SINHCAF: variants seen among roughly 807,000 people sequenced by gnomAD.
The protein encoded by SINHCAF is SIN3-HDAC complex-associated factor.
In SINHCAF, 3 loss-of-function variants were observed where a neutral mutation model predicts 25.8. The observed-to-expected ratio is 0.12, with a 90% CI of 0.05 to 0.30. The LOEUF (loss-of-function observed/expected upper bound fraction) is 0.30, where lower values mean the gene tolerates loss of function less well. Among genes scored for constraint, SINHCAF ranks in the 10% least tolerant of loss-of-function variants. The pLI, the probability that SINHCAF is intolerant of heterozygous loss-of-function variation, is 1.00. For synonymous variants in SINHCAF, 70 were observed against 85.5 expected, an observed-to-expected ratio of 0.82 and a Z score of 1.00; for missense variants, 121 against 262.3, an observed-to-expected ratio of 0.46 and a Z score of 3.72.
At chr12:31,299,253 G>A (rs1194434825) in intron 1 of SINHCAF, among the ~76,000 whole-genome samples, 1 of 152,132 alleles carries the variant, frequency 6.6e-6, no homozygotes, top group Non-Finnish European at 1.5e-5. Context: ...GAGGATGTGT[G>A]TATGTATGAG....
Position 31,298,216 on chromosome 12 carries a change from G to A in SINHCAF, c.-12C>T, listed in dbSNP as rs759166514. The stretch of plus-strand genomic sequence containing the variant: ...TGAAAACCAAACATCTTTTCTTCTG[G>A]GCAATAGTCTGTAAAGCCAAGGGAA... On this transcript the variant is annotated 5_prime_UTR_variant, in exon 2 of 6. Transcript: ENST00000337682. 1.2e-6 allele frequency: 2 copies of A among 1,613,738 alleles called. No homozygotes were observed. Among genetic ancestry groups the A allele is most frequent in the South Asian group, 1.1e-5 (1 of 91,066 alleles).
rs745925130 is a variant in SINHCAF, at chr12:31,325,952, GA to G, written c.-21+71del. The G allele has an allele frequency of 1.7e-4, 24 of 143,338 alleles. No individual in the cohort carries two copies. The highest frequency in any genetic ancestry group is 1.4e-4 in the Admixed American group (2 of 14,492). 8.9% of individuals were successfully genotyped at this position (143,338 alleles called of 1,614,324 possible). ...GGGGAGGTGGGTGGAGGTGAAAAGA[GA>G]AAAAAAAAAACACTGAAATCAAAGC... On this transcript the variant is annotated intron_variant, in intron 1 of 5. Coordinates refer to ENST00000337682, the MANE Select transcript of SINHCAF (RefSeq NM_001135812.2). The surrounding 1 kb of genome is among the most constrained non-coding windows in gnomAD (Gnocchi z 5.9).
intron 1 of SINHCAF, among the ~76,000 whole-genome samples, chr12:31,302,008 G>C (rs1938817731): frequency 6.6e-6 from 1 of 152,152 alleles, no homozygotes; most frequent in Non-Finnish European, 1.5e-5. Flanking sequence ...CATCAGCTAT[G>C]AAACTATCTG....
intron 3 of SINHCAF, among the ~76,000 whole-genome samples, chr12:31,294,191 A>C (rs1938453609): frequency 6.6e-6 from 1 of 152,176 alleles, no homozygotes; most frequent in Non-Finnish European, 1.5e-5. Context: ...TATATGGGAT[A>C]ATCATTACTG....
chr12:31,282,916 A>T, intron 5 of SINHCAF, 45 bp from the exon 6 acceptor site: 2 of 1,440,020 alleles, frequency 1.4e-6, no homozygotes, highest in Non-Finnish European at 1.9e-6. Context: ...AAGGAAGAAA[A>T]ATAGGAATAC....
chr12:31,312,036 A>C, intron 1 of SINHCAF: 2 of 601,586 alleles, frequency 3.3e-6, no homozygotes, highest in Non-Finnish European at 3.1e-6. Flanking sequence ...TTTTGATCAG[A>C]AAGAGGATGG....
chr12:31,310,878 T>C (rs995071797), intron 1 of SINHCAF, among the ~76,000 whole-genome samples: 12 of 151,950 alleles, frequency 7.9e-5, no homozygotes, highest in Non-Finnish European at 1.3e-4. Context: ...ATCTTTTTTT[T>C]TTTTTTTTTC....
Position 31,281,279 on chromosome 12 carries a change from C to T in SINHCAF, c.*1433G>A, listed in dbSNP as rs986449351. On this transcript the variant is annotated 3_prime_UTR_variant, in exon 6 of 6. Coordinates refer to ENST00000337682, the MANE Select transcript of SINHCAF (RefSeq NM_001135812.2). ...TCATGAAAATCTTAGGATTGAAGAGCTCTAAGTTCAGGATATCTCAATGTT... is the reference window on the plus strand; with the variant it reads ...TCATGAAAATCTTAGGATTGAAGAGTTCTAAGTTCAGGATATCTCAATGTT... 99 of 152,236 alleles carry T rather than the reference C, an allele frequency of 6.5e-4. No homozygotes were observed. The highest frequency in any genetic ancestry group is 2.3e-3 in the African/African-American group (97 of 41,532). The allele number at this position is 152,236 out of a possible 1,614,324, so 9.4% of individuals were successfully genotyped here. A position where few individuals can be genotyped will look rare whatever the true frequency, so the allele number is the denominator to read the frequency against.
chr12:31,287,057 C>T (rs1375605311), intron 5 of SINHCAF, among the ~76,000 whole-genome samples: 1 of 152,196 alleles, frequency 6.6e-6, no homozygotes, highest in Non-Finnish European at 1.5e-5. Flanking sequence ...GCTAGGATTA[C>T]AGGTGTGAGC....
At chr12:31,297,547 A>T (rs1314896126) in intron 2 of SINHCAF, among the ~76,000 whole-genome samples, 1 of 139,100 alleles carries the variant, frequency 7.2e-6, no homozygotes, top group Non-Finnish European at 1.5e-5. Context: ...ATCTCGGCTC[A>T]CTACAACCTC....
intron 4 of SINHCAF, 28 bp downstream of exon 4, chr12:31,293,777 A>G: frequency 6.4e-7 from 1 of 1,562,644 alleles, no homozygotes; most frequent in Non-Finnish European, 8.6e-7. Flanking sequence ...ACAATTATTA[A>G]GTACTAATGT....
chr12:31,295,453 C>A, intron 2 of SINHCAF, 120 bp from the exon 3 acceptor site: 1 of 656,388 alleles, frequency 1.5e-6, no homozygotes, highest in Non-Finnish European at 2.7e-6. Flanking sequence ...ATTTAATCAT[C>A]CTGGATGATC....
At chr12:31,309,404 T>C (rs1185700791) in intron 1 of SINHCAF, among the ~76,000 whole-genome samples, 1 of 152,176 alleles carries the variant, frequency 6.6e-6, no homozygotes, top group African/African-American at 2.4e-5. Context: ...GTGGCTATTA[T>C]TTTACGTTAA....
intron 1 of SINHCAF, among the ~76,000 whole-genome samples, chr12:31,308,957 G>A (rs1195086255): frequency 3.3e-5 from 5 of 151,434 alleles, no homozygotes; most frequent in African/African-American, 9.7e-5. Context: ...ATGAAACCCC[G>A]TCTCTACTAA....
At chr12:31,286,011 A>G (rs950373100) in intron 5 of SINHCAF, among the ~76,000 whole-genome samples, 4 of 152,056 alleles carry the variant, frequency 2.6e-5, no homozygotes, top group Non-Finnish European at 4.4e-5. Flanking sequence ...AATGCAAACA[A>G]AGTGGTTTAA....
chr12:31,303,132 C>T (rs957609960), intron 1 of SINHCAF: 1 of 985,232 alleles, frequency 1.0e-6, no homozygotes, highest in Admixed American at 6.1e-5. Context: ...GAGGTTCTAA[C>T]ACTGATCTAA....
chr12:31,305,297 C>T (rs1036931729), intron 1 of SINHCAF, among the ~76,000 whole-genome samples: 1 of 152,216 alleles, frequency 6.6e-6, no homozygotes, highest in African/African-American at 2.4e-5. Flanking sequence ...CCAGAATCTT[C>T]ATCTCCCAGG....
chr12:31,301,239 G>A (rs1171656553), intron 1 of SINHCAF, among the ~76,000 whole-genome samples: 1 of 152,100 alleles, frequency 6.6e-6, no homozygotes, highest in Non-Finnish European at 1.5e-5. Context: ...TGCTGGTGGG[G>A]ACCTCCACAA....
At chr12:31,320,751 T>C (rs1396208199) in intron 1 of SINHCAF, among the ~76,000 whole-genome samples, 2 of 152,138 alleles carry the variant, frequency 1.3e-5, no homozygotes, top group Non-Finnish European at 2.9e-5. Context: ...ATTTGGTCTA[T>C]AGACTTTTGC....
Sources: allele counts gnomAD v4.1 joint callset (sites outside exome capture counted in the v4.1 genomes callset), GRCh38; gene constraint gnomAD v4.1.1; non-coding constraint Gnocchi (gnomAD v3.1); transcripts MANE v1.5; gene names NCBI Gene and HGNC (gene_info 2026-07-23, HGNC 2026-07-21).